CNTNAP2: variants seen among roughly 807,000 people sequenced by gnomAD.
CNTNAP2 encodes contactin associated protein 2.
A neutral mutation model predicts 155.2 loss-of-function variants in CNTNAP2; 98 were observed. The ratio of observed to expected loss-of-function variants is 0.63; its 90% CI spans 0.54 to 0.75. The LOEUF (loss-of-function observed/expected upper bound fraction) is 0.75. Among genes scored for constraint, CNTNAP2 ranks in the 30% least tolerant of loss-of-function variants. The pLI, the probability that CNTNAP2 is intolerant of heterozygous loss-of-function variation, is 0.00. For missense variants in CNTNAP2, 1,727 were observed against 1,688.1 expected (o/e 1.02, Z -0.40); for synonymous variants, 651 against 631.2 (o/e 1.03, Z -0.47).
intron 21 of CNTNAP2, among the ~76,000 whole-genome samples, chr7:148,345,678 C>T (rs975994431): frequency 5.9e-5 from 9 of 152,068 alleles, no homozygotes; most frequent in Non-Finnish European, 1.3e-4. Context: ...CCACCGTGCC[C>T]GGCCGTCACT....
chr7:147,315,628 C>T (rs937073611), intron 9 of CNTNAP2, among the ~76,000 whole-genome samples: 17 of 151,820 alleles, frequency 1.1e-4, no homozygotes, highest in Non-Finnish European at 2.5e-4. Flanking sequence ...ACTACAGGAG[C>T]CCGCCACACG....
At chr7:146,549,192 T>G (rs1798078261) in intron 1 of CNTNAP2, among the ~76,000 whole-genome samples, 1 of 152,090 alleles carries the variant, frequency 6.6e-6, no homozygotes, top group Non-Finnish European at 1.5e-5. Flanking sequence ...TTCTGAGAGA[T>G]GCATATGCTT....
At chr7:148,373,163 T>TA (rs960481207) in intron 21 of CNTNAP2, among the ~76,000 whole-genome samples, 2 of 151,776 alleles carry the variant, frequency 1.3e-5, no homozygotes, top group South Asian at 2.1e-4. Context: ...AAATAAAAAA[T>TA]AAAAAAAAAG....
chr7:146,649,591 T>C (rs1799871089), intron 1 of CNTNAP2, among the ~76,000 whole-genome samples: 1 of 152,172 alleles, frequency 6.6e-6, no homozygotes, highest in African/African-American at 2.4e-5. Context: ...ATTCTGAATA[T>C]TGTGTATGAA....
At chr7:146,650,353 A>G (rs1409223400) in intron 1 of CNTNAP2, among the ~76,000 whole-genome samples, 1 of 152,190 alleles carries the variant, frequency 6.6e-6, no homozygotes, top group African/African-American at 2.4e-5. Context: ...CCTATGGAAT[A>G]CTATACAGCC....
chr7:146,744,573 A>C (rs1801778353), intron 1 of CNTNAP2, among the ~76,000 whole-genome samples: 2 of 152,206 alleles, frequency 1.3e-5, no homozygotes, highest in South Asian at 2.1e-4. Context: ...CAATGTCTGC[A>C]TTGCTTGAAA....
At chr7:146,224,938 G>A (rs1320544803) in intron 1 of CNTNAP2, among the ~76,000 whole-genome samples, 1 of 152,052 alleles carries the variant, frequency 6.6e-6, no homozygotes, top group South Asian at 2.1e-4. Flanking sequence ...TGCAGTGAAA[G>A]CACTTTGTAT....
chr7:148,203,513 G>A (rs1009790260), intron 18 of CNTNAP2, among the ~76,000 whole-genome samples: 1 of 152,186 alleles, frequency 6.6e-6, no homozygotes, highest in Non-Finnish European at 1.5e-5. Context: ...GGGAGGCTGA[G>A]GTGGGTGGAT....
chr7:146,347,401 A>C (rs922136304), intron 1 of CNTNAP2, among the ~76,000 whole-genome samples: 1 of 152,186 alleles, frequency 6.6e-6, no homozygotes, highest in African/African-American at 2.4e-5. Flanking sequence ...ATCATAGGTT[A>C]CTGAAATTGA....
chr7:148,338,683 T>G (rs1319381285), intron 21 of CNTNAP2, among the ~76,000 whole-genome samples: 2 of 152,328 alleles, frequency 1.3e-5, no homozygotes, highest in Non-Finnish European at 2.9e-5. Flanking sequence ...CACTACTGTC[T>G]TCCCTTTCTT....
At chr7:146,134,503 AT>A (rs1797767493) in intron 1 of CNTNAP2, among the ~76,000 whole-genome samples, 1 of 151,634 alleles carries the variant, frequency 6.6e-6, no homozygotes, top group African/African-American at 2.4e-5. Context: ...TTCAAAGGGA[AT>A]GCTTCCAGTT....
intron 14 of CNTNAP2, among the ~76,000 whole-genome samples, chr7:147,909,024 GA>G (rs1477671267): frequency 6.6e-6 from 1 of 152,232 alleles, no homozygotes; most frequent in East Asian, 1.9e-4. Context: ...ATTACAGTGT[GA>G]TATATTATTT....
chr7:146,335,359 A>G (rs2129095547), intron 1 of CNTNAP2, among the ~76,000 whole-genome samples: 1 of 152,320 alleles, frequency 6.6e-6, no homozygotes, highest in South Asian at 2.1e-4. Flanking sequence ...AAAAAGAGCT[A>G]CTGAAATGCT....
chr7:148,066,904 A>G (rs527481905), intron 15 of CNTNAP2, among the ~76,000 whole-genome samples: 1 of 152,194 alleles, frequency 6.6e-6, no homozygotes, highest in South Asian at 2.1e-4. Context: ...GAAACTTTCC[A>G]GCGTATTTTT....
chr7:146,231,766 T>A (rs802548), intron 1 of CNTNAP2, among the ~76,000 whole-genome samples: 7 of 151,924 alleles, frequency 4.6e-5, no homozygotes, highest in African/African-American at 1.7e-4. Flanking sequence ...GAGGATTGGT[T>A]TCTCGTGGCA....
intron 3 of CNTNAP2, among the ~76,000 whole-genome samples, chr7:146,894,342 C>A (rs534534119): frequency 6.6e-6 from 1 of 152,132 alleles, no homozygotes; most frequent in South Asian, 2.1e-4. Context: ...CAATACCCTT[C>A]GAAATCTGTG....
intron 1 of CNTNAP2, among the ~76,000 whole-genome samples, chr7:146,570,413 A>T (rs1798424207): frequency 6.6e-6 from 1 of 152,158 alleles, no homozygotes; most frequent in Non-Finnish European, 1.5e-5. Context: ...TCTGGTATCA[A>T]ATAATTGCTA....
intron 8 of CNTNAP2, among the ~76,000 whole-genome samples, chr7:147,187,416 G>C (rs1802588442): frequency 6.6e-6 from 1 of 152,102 alleles, no homozygotes; most frequent in South Asian, 2.1e-4. Context: ...AAATACCATG[G>C]AATACTAGGT....
intron 1 of CNTNAP2, among the ~76,000 whole-genome samples, chr7:146,309,663 G>T (rs369257021): frequency 6.6e-6 from 1 of 151,896 alleles, no homozygotes; most frequent in Non-Finnish European, 1.5e-5. Context: ...TTAATCGGGC[G>T]TGTTGGCGGG....
Sources: gnomAD v4.1 joint callset for allele counts (sites outside exome capture counted in the v4.1 genomes callset) on GRCh38, gnomAD v4.1.1 for gene constraint, MANE v1.5 for transcripts, NCBI Gene and HGNC (gene_info 2026-07-23, HGNC 2026-07-21) for gene names.